The following PCDH19 variants were observed in gnomAD, a reference collection of about 807,000 sequenced individuals.
PCDH19 encodes protocadherin 19, also known as protocadherin-19.
Under a neutral mutation model 46.2 loss-of-function variants are expected in PCDH19, and 6 were observed. That is an observed-to-expected ratio of 0.13 (90% CI 0.07 to 0.26). The LOEUF is 0.26. PCDH19 is among the 10% of genes least tolerant of loss of function. The probability of loss-of-function intolerance (pLI) is 1.00; values close to 1 mark genes in which losing one functional copy is unlikely to be tolerated. For synonymous variants in PCDH19, 481 were observed against 415.7 expected, an observed-to-expected ratio of 1.16 and a Z score of -1.91; for missense variants, 740 against 972.3, an observed-to-expected ratio of 0.76 and a Z score of 3.18.
intron 5 of PCDH19, among the ~76,000 whole-genome samples, chrX:100,332,514 CA>C (rs749901973): frequency 0.014 from 693 of 48,762 alleles, 4 homozygotes; most frequent in South Asian, 0.034. Flanking sequence ...AACCCCGTCT[CA>C]AAAAAAAAAA....
chrX:100,339,338 C>A (rs1303303141), intron 5 of PCDH19, among the ~76,000 whole-genome samples: 1 of 111,608 alleles, frequency 9.0e-6, no homozygotes, highest in Non-Finnish European at 1.9e-5. Context: ...CAGTACAGGT[C>A]TCAGTCCAGT....
At chrX:100,369,176 C>T (rs187108288) in intron 3 of PCDH19, among the ~76,000 whole-genome samples, 69 of 111,365 alleles carry the variant, frequency 6.2e-4, no homozygotes, top group Non-Finnish European at 8.7e-4. Context: ...TGTTCATCTT[C>T]TCAATATTCC....
chrX:100,405,512 G>A (rs1264657183), intron 1 of PCDH19, among the ~76,000 whole-genome samples: 1 of 109,562 alleles, frequency 9.1e-6, no homozygotes, highest in Non-Finnish European at 1.9e-5. Context: ...AAAATACTGT[G>A]TTTCTTCTTT....
Position 100,295,350 on chromosome X carries a change from T to C in PCDH19, c.*927A>G, listed in dbSNP as rs1460511693. 1 of 112,261 alleles carries C rather than the reference T, an allele frequency of 8.9e-6. No homozygotes were observed. Among genetic ancestry groups the C allele is most frequent in the Admixed American group, 9.4e-5 (1 of 10,611 alleles). 9.3% of individuals were successfully genotyped at this position (112,261 alleles called of 1,213,427 possible). A position where few individuals can be genotyped will look rare whatever the true frequency, so the allele number is the denominator to read the frequency against. On this transcript the variant is annotated 3_prime_UTR_variant, in exon 6 of 6. Coordinates refer to ENST00000373034, the MANE Select transcript of PCDH19 (RefSeq NM_001184880.2). ...AGGGCCTGAAAATTTAAAAGATGGATGTCATAAAACTTTCAGCACAGTATT... is the reference window on the plus strand; with the variant it reads ...AGGGCCTGAAAATTTAAAAGATGGACGTCATAAAACTTTCAGCACAGTATT...
chrX:100,349,304 G>T (rs1172015893), intron 4 of PCDH19, among the ~76,000 whole-genome samples: 4 of 111,679 alleles, frequency 3.6e-5, no homozygotes, highest in Admixed American at 9.5e-5. Flanking sequence ...AGATAATTTT[G>T]AATTCCTCAC....
At chrX:100,348,290 T>C (rs1926471919) in intron 4 of PCDH19, among the ~76,000 whole-genome samples, 1 of 111,530 alleles carries the variant, frequency 9.0e-6, no homozygotes, top group African/African-American at 3.3e-5. Flanking sequence ...TGTGAGCTAT[T>C]TGAACAGGCT....
intron 5 of PCDH19, among the ~76,000 whole-genome samples, chrX:100,299,026 G>C (rs898286115): frequency 2.7e-5 from 3 of 111,394 alleles, no homozygotes; most frequent in Non-Finnish European, 5.6e-5. Context: ...GAGTGTTTCA[G>C]GGTAGAGAGA....
chrX:100,310,830 T>A (rs1411947111), intron 5 of PCDH19, among the ~76,000 whole-genome samples: 5 of 107,081 alleles, frequency 4.7e-5, no homozygotes, highest in Admixed American at 1.0e-4. Flanking sequence ...TACAAAAAAA[T>A]GATAAATAAA....
chrX:100,314,149 A>T (rs1267999344), intron 5 of PCDH19, among the ~76,000 whole-genome samples: 1 of 111,966 alleles, frequency 8.9e-6, no homozygotes, highest in African/African-American at 3.2e-5. Context: ...CGGAGACAAG[A>T]GTAGGGAAAC....
intron 3 of PCDH19, among the ~76,000 whole-genome samples, chrX:100,400,688 C>T (rs777115944): frequency 1.9e-4 from 21 of 112,068 alleles, no homozygotes; most frequent in Non-Finnish European, 2.3e-4. Flanking sequence ...AATATTGGTG[C>T]TTTTGTTGCT....
intron 5 of PCDH19, among the ~76,000 whole-genome samples, chrX:100,303,477 G>A (rs971129037): frequency 9.9e-5 from 11 of 111,618 alleles, no homozygotes; most frequent in Non-Finnish European, 1.3e-4. Flanking sequence ...CAATATGAGC[G>A]TAATGACAAC....
chrX:100,295,839 C>T lies in PCDH19; in HGVS notation c.*438G>A, dbSNP rs1924579102. On this transcript the variant is annotated 3_prime_UTR_variant, in exon 6 of 6. Coordinates refer to ENST00000373034, the MANE Select transcript of PCDH19 (RefSeq NM_001184880.2). Reference sequence around the variant, plus strand: ...CAATGAATAGTACACAATAAATGACCATTAACTTGTCTACACTACAAAAAA... The same window carrying T: ...CAATGAATAGTACACAATAAATGACTATTAACTTGTCTACACTACAAAAAA... The T allele has an allele frequency of 7.4e-6, 1 of 134,252 alleles. No homozygotes were observed. Among genetic ancestry groups the T allele is most frequent in the African/African-American group, 3.2e-5 (1 of 30,799 alleles). The allele number at this position is 134,252 out of a possible 1,213,427, so 11.1% of individuals were successfully genotyped here. A position where few individuals can be genotyped will look rare whatever the true frequency, so the allele number is the denominator to read the frequency against.
At chrX:100,391,831 T>A (rs1021356342) in intron 3 of PCDH19, among the ~76,000 whole-genome samples, 2 of 112,063 alleles carry the variant, frequency 1.8e-5, no homozygotes, top group African/African-American at 6.5e-5. Context: ...TTGGTAGTGA[T>A]CTCCCCTACC....
At chrX:100,393,462 CCCCTCT>C (rs1437801372) in intron 3 of PCDH19, among the ~76,000 whole-genome samples, 1 of 100,307 alleles carries the variant, frequency 1.0e-5, no homozygotes, top group Non-Finnish European at 2.0e-5. Context: ...CTCTCCTTTC[CCCCTCT>C]CCCTCTCCCA....
chrX:100,384,776 C>T (rs1927660938), intron 3 of PCDH19, among the ~76,000 whole-genome samples: 1 of 111,173 alleles, frequency 9.0e-6, no homozygotes, highest in South Asian at 3.8e-4. Context: ...AGATTAAATC[C>T]CTAAAAGTGG....
chrX:100,317,926 AAAGCAAAGGC>A (rs946448271), intron 5 of PCDH19, among the ~76,000 whole-genome samples: 1 of 112,277 alleles, frequency 8.9e-6, no homozygotes, highest in African/African-American at 3.2e-5. Context: ...GGGGTGCAGA[AAAGCAAAGGC>A]AAACCTTTCT....
At chrX:100,343,407 G>A (rs1017366073) in intron 4 of PCDH19, among the ~76,000 whole-genome samples, 4 of 112,235 alleles carry the variant, frequency 3.6e-5, no homozygotes, top group African/African-American at 1.3e-4. Context: ...CAGAGAGTGA[G>A]CACTAATGCA....
chrX:100,307,381 A>G (rs993680522), intron 5 of PCDH19, among the ~76,000 whole-genome samples: 1 of 111,970 alleles, frequency 8.9e-6, no homozygotes, highest in Non-Finnish European at 1.9e-5. Context: ...AAATCAGCAC[A>G]GAAGGGACAT....
At chrX:100,403,114 T>G (rs1002865819) in intron 2 of PCDH19, among the ~76,000 whole-genome samples, 5 of 111,600 alleles carry the variant, frequency 4.5e-5, no homozygotes, top group African/African-American at 1.6e-4. Context: ...TTTTTCATTG[T>G]GAGTGGCCTG....
Sources: allele counts gnomAD v4.1 joint callset (sites outside exome capture counted in the v4.1 genomes callset), GRCh38; gene constraint gnomAD v4.1.1; transcripts MANE v1.5; gene names NCBI Gene and HGNC (gene_info 2026-07-23, HGNC 2026-07-21).